OSBPL10: variants seen among roughly 807,000 people sequenced by gnomAD.
The protein encoded by OSBPL10 is oxysterol binding protein like 10, also known as oxysterol-binding protein-related protein 10.
In OSBPL10, 49 loss-of-function variants were observed where a neutral mutation model predicts 81.7. The ratio of observed to expected loss-of-function variants is 0.60; its 90% CI spans 0.48 to 0.76. The LOEUF (loss-of-function observed/expected upper bound fraction) is 0.76. OSBPL10 is among the 30% of genes least tolerant of loss of function. The pLI is 0.00. For missense variants in OSBPL10, 923 were observed against 987.8 expected (o/e 0.93, Z 0.88); for synonymous variants, 419 against 383.6 (o/e 1.09, Z -1.08).
intron 6 of OSBPL10, among the ~76,000 whole-genome samples, chr3:31,728,495 G>C (rs1696877020): frequency 6.6e-6 from 1 of 152,090 alleles, no homozygotes; most frequent in South Asian, 2.1e-4. Context: ...AAAAATATGA[G>C]AAATTTAAAG....
intron 3 of OSBPL10, among the ~76,000 whole-genome samples, chr3:31,847,503 C>G (rs893087465): frequency 6.6e-6 from 1 of 152,114 alleles, no homozygotes; most frequent in Non-Finnish European, 1.5e-5. Flanking sequence ...ACTTCTCTCA[C>G]TGTGGTAGCA....
intron 2 of OSBPL10, among the ~76,000 whole-genome samples, chr3:32,021,423 A>G (rs1699362730): frequency 1.3e-5 from 2 of 152,222 alleles, no homozygotes; most frequent in Non-Finnish European, 2.9e-5. Flanking sequence ...GCCATTTGCC[A>G]ACATATCTGC....
chr3:31,856,531 C>T (rs995775855), intron 3 of OSBPL10, among the ~76,000 whole-genome samples: 8 of 152,276 alleles, frequency 5.3e-5, no homozygotes, highest in African/African-American at 1.7e-4. Context: ...GGGAGTTTAT[C>T]CAGCCTAAAC....
chr3:31,913,025 C>T (rs923299674), intron 1 of OSBPL10, among the ~76,000 whole-genome samples: 1 of 152,164 alleles, frequency 6.6e-6, no homozygotes, highest in Non-Finnish European at 1.5e-5. Flanking sequence ...TATACCCACA[C>T]ACCCGCATAT....
chr3:31,938,533 A>C (rs1697445668), intron 1 of OSBPL10, among the ~76,000 whole-genome samples: 1 of 152,114 alleles, frequency 6.6e-6, no homozygotes, highest in Non-Finnish European at 1.5e-5. Context: ...TTGTTTAGAT[A>C]GAGCCCACTT....
intron 6 of OSBPL10, among the ~76,000 whole-genome samples, chr3:31,712,675 A>G (rs1403555320): frequency 6.6e-6 from 1 of 152,212 alleles, no homozygotes; most frequent in African/African-American, 2.4e-5. Context: ...GCCCACTGAA[A>G]CCTGTGTCTG....
intron 3 of OSBPL10, among the ~76,000 whole-genome samples, chr3:31,870,051 A>G (rs1701279533): frequency 6.6e-6 from 1 of 152,196 alleles, no homozygotes; most frequent in African/African-American, 2.4e-5. Context: ...CCACCGCTGC[A>G]CTGTGGGAGC....
chr3:31,878,815 ATGTGTGTGTG>A (rs59233088), intron 2 of OSBPL10, among the ~76,000 whole-genome samples: 14,313 of 136,386 alleles, frequency 0.1, 773 homozygotes, highest in Middle Eastern at 0.18. Flanking sequence ...CTGCGTGTCC[ATGTGTGTGTG>A]TGTGTGTGTG....
At chr3:32,039,014 TAGG>T (rs1408537995) in intron 2 of OSBPL10, among the ~76,000 whole-genome samples, 1 of 151,880 alleles carries the variant, frequency 6.6e-6, no homozygotes, top group African/African-American at 2.4e-5. Flanking sequence ...AATAAAAACT[TAGG>T]AGCTATTAAA....
chr3:31,858,943 G>A (rs1700995828), intron 3 of OSBPL10, among the ~76,000 whole-genome samples: 1 of 152,208 alleles, frequency 6.6e-6, no homozygotes, highest in Non-Finnish European at 1.5e-5. Flanking sequence ...CAACAGAAAT[G>A]TTGTAGCAGA....
At chr3:31,746,950 T>G (rs569553818) in intron 5 of OSBPL10, among the ~76,000 whole-genome samples, 2 of 152,170 alleles carry the variant, frequency 1.3e-5, no homozygotes, top group East Asian at 3.9e-4. Context: ...GTTGTGCACA[T>G]GTACCCTCAA....
At chr3:32,000,320 G>A (rs1021036511) in intron 2 of OSBPL10, among the ~76,000 whole-genome samples, 4 of 152,046 alleles carry the variant, frequency 2.6e-5, no homozygotes, top group South Asian at 4.2e-4. Context: ...CTTATAATAC[G>A]GGCTCAAAGA....
chr3:31,973,857 G>A (rs1219388605), intron 1 of OSBPL10, among the ~76,000 whole-genome samples: 1 of 152,188 alleles, frequency 6.6e-6, no homozygotes, highest in African/African-American at 2.4e-5. Context: ...ATAAAAGCAT[G>A]TGACCACACA....
intron 2 of OSBPL10, among the ~76,000 whole-genome samples, chr3:32,026,055 G>T (rs557893043): frequency 9.7e-6 from 1 of 103,062 alleles, no homozygotes; most frequent in African/African-American, 4.1e-5. Context: ...TAGATAGATA[G>T]ATGATAGATA....
intron 1 of OSBPL10, among the ~76,000 whole-genome samples, chr3:31,969,735 A>G (rs1412610682): frequency 6.6e-6 from 1 of 152,136 alleles, no homozygotes; most frequent in Non-Finnish European, 1.5e-5. Context: ...GGCACCTGTA[A>G]TCCCAGCTAC....
intron 2 of OSBPL10, among the ~76,000 whole-genome samples, chr3:31,994,545 G>T (rs1699069466): frequency 6.6e-6 from 1 of 152,030 alleles, no homozygotes; most frequent in Admixed American, 6.6e-5. Flanking sequence ...TGGTCTGCCA[G>T]CCTAACTGCA....
chr3:31,733,226 C>T (rs768580493), intron 6 of OSBPL10, 31 bp downstream of exon 6: 3 of 1,604,758 alleles, frequency 1.9e-6, no homozygotes, highest in Non-Finnish European at 2.5e-6. Flanking sequence ...TAACACAAGC[C>T]ATGAATGCAC....
chr3:31,987,115 TACAC>T (rs71628591), intron 2 of OSBPL10, among the ~76,000 whole-genome samples: 20 of 151,238 alleles, frequency 1.3e-4, no homozygotes, highest in Admixed American at 2.6e-4. Context: ...TGTATGTGTA[TACAC>T]ACACACACAC....
intron 1 of OSBPL10, among the ~76,000 whole-genome samples, chr3:31,945,519 T>C (rs1436226186): frequency 2.0e-5 from 3 of 152,248 alleles, no homozygotes; most frequent in Non-Finnish European, 4.4e-5. Flanking sequence ...TGACAATCTT[T>C]AAAAATTAAG....
Sources: gnomAD v4.1 joint callset for allele counts (sites outside exome capture counted in the v4.1 genomes callset) on GRCh38, gnomAD v4.1.1 for gene constraint, MANE v1.5 for transcripts, NCBI Gene and HGNC (gene_info 2026-07-23, HGNC 2026-07-21) for gene names.